Variants in SLC4A7 observed in about 807,000 individuals in gnomAD.
The protein encoded by SLC4A7 is sodium bicarbonate cotransporter 3.
A neutral mutation model predicts 137.6 loss-of-function variants in SLC4A7; 51 were observed. The ratio of observed to expected loss-of-function variants is 0.37; its 90% CI spans 0.30 to 0.47. SLC4A7 has a LOEUF of 0.47. SLC4A7 is among the 20% of genes least tolerant of loss of function. SLC4A7 has a pLI of 1.00. For missense variants in SLC4A7, 1,247 were observed against 1,525.4 expected (o/e 0.82, Z 3.04); for synonymous variants, 542 against 518.6 (o/e 1.05, Z -0.61).
intron 1 of SLC4A7, among the ~76,000 whole-genome samples, chr3:27,463,406 G>A (rs774640989): frequency 6.6e-6 from 1 of 151,930 alleles, no homozygotes; most frequent in African/African-American, 2.4e-5. Flanking sequence ...CTCCAGCCTC[G>A]GCGACAGAGC....
At chr3:27,439,209 C>T (rs2056999925) in intron 3 of SLC4A7, among the ~76,000 whole-genome samples, 1 of 152,010 alleles carries the variant, frequency 6.6e-6, no homozygotes, top group Non-Finnish European at 1.5e-5. Context: ...GAGAAAATTT[C>T]AGAGAATGCA....
At chr3:27,408,604 T>C (rs542067520) in intron 13 of SLC4A7, among the ~76,000 whole-genome samples, 1 of 152,264 alleles carries the variant, frequency 6.6e-6, no homozygotes, top group South Asian at 2.1e-4. Flanking sequence ...CAAGAATAAA[T>C]ACAATTAAGT....
chr3:27,473,352 G>A (rs564263313), intron 1 of SLC4A7, among the ~76,000 whole-genome samples: 15 of 151,988 alleles, frequency 9.9e-5, no homozygotes, highest in South Asian at 2.1e-4. Context: ...ATATACAACC[G>A]GCTCTTTAAA....
chr3:27,376,768 AATG>A lies in SLC4A7; in HGVS notation c.3773_3775del (p.Ser1258del). 6.3e-7 allele frequency: 1 copy of A among 1,585,590 alleles called. No homozygotes were observed. The highest frequency in any genetic ancestry group is 8.6e-7 in the Non-Finnish European group (1 of 1,158,928). ...ATAATGCCTCTTGGTTCAATTCTAT[AATG>A]AAGTTTCAGCATCCACGTATTTCTT... On this transcript the variant is annotated inframe_deletion, in exon 26 of 26. Transcript: ENST00000454389.
chr3:27,436,771 C>T (rs571050521), intron 4 of SLC4A7, among the ~76,000 whole-genome samples: 2 of 152,134 alleles, frequency 1.3e-5, no homozygotes, highest in East Asian at 3.9e-4. Context: ...AATAATAAGC[C>T]TACAAAAACA....
At chr3:27,414,235 T>C (rs1196166419) in intron 11 of SLC4A7, among the ~76,000 whole-genome samples, 1 of 152,064 alleles carries the variant, frequency 6.6e-6, no homozygotes. Flanking sequence ...AACTGAGATC[T>C]TGCCATTGCA....
At chr3:27,410,473 C>T (rs1027927516) in intron 12 of SLC4A7, among the ~76,000 whole-genome samples, 1 of 152,038 alleles carries the variant, frequency 6.6e-6, no homozygotes, top group African/African-American at 2.4e-5. Context: ...CAAGCTTTAC[C>T]GTTGTAATTT....
At chr3:27,430,865 G>A (rs986041381) in intron 7 of SLC4A7, among the ~76,000 whole-genome samples, 2 of 151,912 alleles carry the variant, frequency 1.3e-5, no homozygotes, top group African/African-American at 2.4e-5. Flanking sequence ...TATAAAATAA[G>A]TTCATGGCAA....
At chr3:27,479,082 C>T (rs2150750961) in intron 1 of SLC4A7, among the ~76,000 whole-genome samples, 1 of 151,864 alleles carries the variant, frequency 6.6e-6, no homozygotes, top group Non-Finnish European at 1.5e-5. Context: ...AAATGCAAAT[C>T]TATATTATGA....
At chr3:27,396,544 A>C (rs914011341) in intron 18 of SLC4A7, among the ~76,000 whole-genome samples, 2 of 152,082 alleles carry the variant, frequency 1.3e-5, no homozygotes, top group Non-Finnish European at 2.9e-5. Flanking sequence ...AAGACTTTCT[A>C]AAAATTGTTG....
chr3:27,382,782 C>A (rs1028580594), intron 24 of SLC4A7, among the ~76,000 whole-genome samples: 6 of 152,048 alleles, frequency 3.9e-5, no homozygotes, highest in Non-Finnish European at 8.8e-5. Context: ...CAGCACCCAC[C>A]GACCCCAGCC....
intron 2 of SLC4A7, among the ~76,000 whole-genome samples, chr3:27,451,220 TTCTCTG>T (rs1397533520): frequency 2.6e-5 from 4 of 152,072 alleles, no homozygotes; most frequent in African/African-American, 9.6e-5. Flanking sequence ...CAAACTTTGT[TTCTCTG>T]TCCATCTCTT....
At chr3:27,379,014 A>T (rs1359794158) in intron 25 of SLC4A7, among the ~76,000 whole-genome samples, 1 of 152,194 alleles carries the variant, frequency 6.6e-6, no homozygotes, top group Non-Finnish European at 1.5e-5. Context: ...ACCTCAGATG[A>T]TCTGCCCGCT....
Position 27,421,634 on chromosome 3 carries a change from G to T in SLC4A7, c.1412C>A (p.Pro471His), listed in dbSNP as rs760234882. Residue 471 changes from proline (P) to histidine (H), a missense_variant, in exon 9 of 26, where the codon CCT (proline) becomes CAT (histidine). By Grantham distance (77) the Pro-to-His change is moderately conservative. Coordinates refer to ENST00000454389, the MANE Select transcript of SLC4A7 (RefSeq NM_001321103.2). Reference protein sequence around the residue: ...AVLLTGLTEVPVPTRFLFLLL... With the variant: ...AVLLTGLTEVHVPTRFLFLLL... ...ACTAACTCTTTACCTGGTTGGAACA[G>T]GGACCTCAGTCAACCCTGTAAGGAG... 2 of 1,612,896 alleles carry T rather than the reference G, an allele frequency of 1.2e-6. No individual in the cohort carries two copies. Among genetic ancestry groups the T allele is most frequent in the Non-Finnish European group, 1.7e-6 (2 of 1,179,344 alleles).
At chr3:27,466,556 G>C (rs1176187503) in intron 1 of SLC4A7, among the ~76,000 whole-genome samples, 1 of 152,054 alleles carries the variant, frequency 6.6e-6, no homozygotes, top group African/African-American at 2.4e-5. Flanking sequence ...GGACAGCCGT[G>C]GTGATTCACA....
At chr3:27,420,051 T>C (rs988320767) in intron 10 of SLC4A7, among the ~76,000 whole-genome samples, 2 of 151,786 alleles carry the variant, frequency 1.3e-5, no homozygotes, top group African/African-American at 2.4e-5. Context: ...TAGCTGGGCA[T>C]GGTGGGGTGC....
chr3:27,464,913 C>T (rs1169428433), intron 1 of SLC4A7, among the ~76,000 whole-genome samples: 3 of 152,154 alleles, frequency 2.0e-5, no homozygotes, highest in Non-Finnish European at 4.4e-5. Context: ...GCCTGTTAGC[C>T]AGGACTCCAT....
intron 18 of SLC4A7, 35 bp from the exon 19 acceptor site, chr3:27,395,150 TC>T: frequency 6.7e-7 from 1 of 1,502,228 alleles, no homozygotes; most frequent in Non-Finnish European, 8.9e-7. Context: ...TCAAAAAGTC[TC>T]CTTGCTGTAT....
At chr3:27,384,840 G>A (rs1285049058) in intron 23 of SLC4A7, among the ~76,000 whole-genome samples, 1 of 151,918 alleles carries the variant, frequency 6.6e-6, no homozygotes, top group African/African-American at 2.4e-5. Flanking sequence ...GCGGGTGCCT[G>A]TAATCCCAGC....
Sources: allele counts gnomAD v4.1 joint callset (sites outside exome capture counted in the v4.1 genomes callset), GRCh38; gene constraint gnomAD v4.1.1; transcripts MANE v1.5; gene names NCBI Gene and HGNC (gene_info 2026-07-23, HGNC 2026-07-21).